MMP20: variants seen among roughly 807,000 people sequenced by gnomAD.
MMP20 encodes the protein matrix metalloproteinase-20.
MMP20 carries 50 observed loss-of-function variants against 51.8 expected under a neutral mutation model. The observed-to-expected ratio is 0.97, with a 90% CI of 0.77 to 1.22. MMP20 has a LOEUF of 1.22. Among genes scored for constraint, MMP20 ranks in the 50% most tolerant of loss-of-function variants. MMP20 has a pLI of 0.00. For synonymous variants in MMP20, 244 were observed against 216.2 expected, an observed-to-expected ratio of 1.13 and a Z score of -1.13; for missense variants, 663 against 601.4, an observed-to-expected ratio of 1.10 and a Z score of -1.07.
At chr11:102,599,562 G>T (rs1859422062) in intron 6 of MMP20, among the ~76,000 whole-genome samples, 1 of 152,108 alleles carries the variant, frequency 6.6e-6, no homozygotes, top group Non-Finnish European at 1.5e-5. Flanking sequence ...TATAAATTCA[G>T]GACTATTCTT....
At chr11:102,623,412 C>G (rs1591627297) in intron 1 of MMP20, among the ~76,000 whole-genome samples, 1 of 152,192 alleles carries the variant, frequency 6.6e-6, no homozygotes, top group Non-Finnish European at 1.5e-5. Context: ...AGGAGCAGAA[C>G]CCTATTGTGA....
Position 102,624,032 on chromosome 11 carries a change from C to T in MMP20, c.126+1162G>A, listed in dbSNP as rs754983781. 3.9e-5 allele frequency among the ~76,000 whole-genome samples: 6 copies of T among 152,364 alleles called. No homozygotes were observed. In the East Asian group the frequency reaches 7.7e-4, roughly 20 times the overall value. ...ATGGTTGTGCTGGGCATCAGCTGTG[C>T]TGTTCATCTGCGGGGCTGATATTTA... On this transcript the variant is annotated intron_variant, in intron 1 of 9. Coordinates refer to ENST00000260228, the MANE Select transcript of MMP20 (RefSeq NM_004771.4).
At position 102,625,154 on chromosome 11, in the gene MMP20, G is replaced by C. The variant is rs1039794464; in HGVS notation, c.126+40C>G. On this transcript the variant is annotated intron_variant, in intron 1 of 9. Coordinates refer to ENST00000260228, the MANE Select transcript of MMP20 (RefSeq NM_004771.4). ...CACTATGCCCTTTTAGGTTTTCTAG[G>C]GCAGAGGAGCAAGAAGGAATTGGGC... 3 of 1,611,898 alleles carry C rather than the reference G, an allele frequency of 1.9e-6. No individual in the cohort carries two copies. The African/African-American group carries it at 4.0e-5, about 22-fold the overall frequency.
chr11:102,611,702 T>C, intron 3 of MMP20, 53 bp downstream of exon 3: 2 of 1,596,870 alleles, frequency 1.3e-6, no homozygotes, highest in Non-Finnish European at 1.7e-6. Context: ...GAAGGAACAG[T>C]ATTGGGACAA....
At chr11:102,584,953 T>C (rs1859238042) in intron 8 of MMP20, among the ~76,000 whole-genome samples, 2 of 152,156 alleles carry the variant, frequency 1.3e-5, no homozygotes, top group South Asian at 4.1e-4. Flanking sequence ...TTTATTTCCT[T>C]ACTCTAAATT....
At chr11:102,612,018 G>A (rs1413592440) in intron 2 of MMP20, 115 bp from the exon 3 acceptor site, 1 of 986,504 alleles carries the variant, frequency 1.0e-6, no homozygotes, top group South Asian at 1.4e-5. Flanking sequence ...ATTTTTCTCT[G>A]AAATAATAAT....
At chr11:102,607,686 T>C (rs569268854) in intron 5 of MMP20, 1 of 152,288 alleles carries the variant, frequency 6.6e-6, no homozygotes, top group South Asian at 2.1e-4. Flanking sequence ...TGTTTTCACA[T>C]TTTGTTCACC....
At chr11:102,593,726 G>T in intron 7 of MMP20, 131 bp from the exon 8 acceptor site, 1 of 981,176 alleles carries the variant, frequency 1.0e-6, no homozygotes, top group Non-Finnish European at 1.6e-6. Flanking sequence ...AACCCAACAA[G>T]AGATATAAGC....
rs373697258 is a variant in MMP20, at chr11:102,577,356, C to T, written c.1422G>A (p.Val474=). 3.0e-4 allele frequency: 485 copies of T among 1,613,774 alleles called. No homozygotes were observed. The highest frequency in any genetic ancestry group is 3.9e-4 in the Non-Finnish European group (466 of 1,179,830). ...AACCAATCCAGGAACTAGATTTCAC[C>T]ACACTAACCACATCTTCCTTCTCTG... ...YDTEKEDVVS[V]VKSSSWIGC is the part of the protein sequence containing the mutation. Residue 474 remains valine, a synonymous_variant, in exon 10 of 10, where the codon GTG becomes GTA. Coordinates refer to ENST00000260228, the MANE Select transcript of MMP20 (RefSeq NM_004771.4).
At chr11:102,624,141 C>A (rs945491348) in intron 1 of MMP20, among the ~76,000 whole-genome samples, 4 of 152,154 alleles carry the variant, frequency 2.6e-5, no homozygotes, top group African/African-American at 9.7e-5. Flanking sequence ...CATGCCATTG[C>A]ACATGGGTGC....
chr11:102,608,563 A>T (rs994659977), intron 5 of MMP20, among the ~76,000 whole-genome samples: 5 of 152,182 alleles, frequency 3.3e-5, no homozygotes, highest in Admixed American at 6.5e-5. Flanking sequence ...TTTAATCATG[A>T]TTGCTATTTT....
At chr11:102,602,010 C>T (rs373826173) in intron 6 of MMP20, among the ~76,000 whole-genome samples, 10 of 146,616 alleles carry the variant, frequency 6.8e-5, no homozygotes, top group African/African-American at 1.8e-4. Flanking sequence ...AGTGCAGTGG[C>T]GCGATCTCGG....
chr11:102,593,952 A>G (rs540117936), intron 7 of MMP20, among the ~76,000 whole-genome samples: 9 of 152,330 alleles, frequency 5.9e-5, no homozygotes, highest in African/African-American at 1.9e-4. Context: ...TTTTACTTAA[A>G]TTGGCACTTG....
In MMP20 at chr11:102,603,409, G is replaced by A. The variant is rs148690780; in HGVS notation, c.953+3126C>T. ...TCCAGCTCTGGACAGCACCTTAGGA[G>A]GCAGGGTAGTTAGGGGCACGGATTC... On this transcript the variant is annotated intron_variant, in intron 6 of 9. Coordinates refer to ENST00000260228, the MANE Select transcript of MMP20 (RefSeq NM_004771.4). Among the ~76,000 whole-genome samples, 13 of 152,296 alleles carry A rather than the reference G, an allele frequency of 8.5e-5. No homozygotes were observed. The East Asian group carries it at 2.3e-3, about 27-fold the overall frequency.
At chr11:102,599,658 A>G (rs1024435949) in intron 6 of MMP20, among the ~76,000 whole-genome samples, 5 of 152,350 alleles carry the variant, frequency 3.3e-5, no homozygotes, top group Admixed American at 2.0e-4. Context: ...GAGTTTATCA[A>G]TATAGCCAAG....
intron 4 of MMP20, 47 bp downstream of exon 4, chr11:102,609,855 CAGA>C: frequency 6.2e-7 from 1 of 1,612,996 alleles, no homozygotes; most frequent in Non-Finnish European, 8.5e-7. Context: ...TGATGGAGCC[CAGA>C]AGAAGGTACA....
At chr11:102,578,317 T>G (rs546192177) in intron 9 of MMP20, among the ~76,000 whole-genome samples, 1 of 147,756 alleles carries the variant, frequency 6.8e-6, no homozygotes, top group African/African-American at 2.5e-5. Flanking sequence ...CTAACTTTTT[T>G]GTAGAGACAG....
At chr11:102,596,690 G>A (rs1013343528) in intron 6 of MMP20, among the ~76,000 whole-genome samples, 6 of 152,310 alleles carry the variant, frequency 3.9e-5, no homozygotes, top group African/African-American at 1.4e-4. Context: ...CACTGGTGGT[G>A]AGGGGCAGAG....
chr11:102,597,643 C>T (rs572418762), intron 6 of MMP20, among the ~76,000 whole-genome samples: 5 of 152,234 alleles, frequency 3.3e-5, no homozygotes, highest in African/African-American at 1.2e-4. Context: ...GCTCAAGATA[C>T]CAGTAGTGTC....
Sources: allele counts gnomAD v4.1 joint callset (sites outside exome capture counted in the v4.1 genomes callset), GRCh38; gene constraint gnomAD v4.1.1; transcripts MANE v1.5; gene names NCBI Gene and HGNC (gene_info 2026-07-23, HGNC 2026-07-21).